Variants in NUMB observed in about 807,000 individuals in gnomAD.
NUMB encodes the protein protein numb homolog.
A neutral mutation model predicts 59.7 loss-of-function variants in NUMB; 29 were observed. That is an observed-to-expected ratio of 0.49 (90% CI 0.36 to 0.66). The LOEUF is 0.66. Among genes scored for constraint, NUMB ranks in the 30% least tolerant of loss-of-function variants. NUMB has a pLI of 0.00. For synonymous variants in NUMB, 288 were observed against 288.2 expected, an observed-to-expected ratio of 1.00 and a Z score of 0.01; for missense variants, 723 against 822.0, an observed-to-expected ratio of 0.88 and a Z score of 1.47.
intron 2 of NUMB, among the ~76,000 whole-genome samples, chr14:73,378,676 CA>C (rs1895087900): frequency 6.6e-6 from 1 of 152,110 alleles, no homozygotes; most frequent in South Asian, 2.1e-4. Flanking sequence ...TGTATGACCC[CA>C]ACTACATGAC....
At chr14:73,451,328 T>C (rs1883953968) in intron 1 of NUMB, among the ~76,000 whole-genome samples, 2 of 151,524 alleles carry the variant, frequency 1.3e-5, no homozygotes, top group South Asian at 4.2e-4. Flanking sequence ...TCCCAGCTAT[T>C]CGGGAGGCTA....
intron 9 of NUMB, chr14:73,286,879 A>G (rs908485109): frequency 1.1e-5 from 6 of 536,156 alleles, no homozygotes; most frequent in African/African-American, 9.5e-5. Flanking sequence ...AGCTTCTTCA[A>G]CTGCACTCTG....
At chr14:73,295,615 T>C (rs922920508) in intron 7 of NUMB, among the ~76,000 whole-genome samples, 3 of 152,206 alleles carry the variant, frequency 2.0e-5, no homozygotes, top group African/African-American at 4.8e-5. Context: ...AATGCAGCTA[T>C]ATTAAACCAC....
rs929815984 is a variant in NUMB at position 73,277,072 on chromosome 14, G to C, written c.1462C>G (p.Leu488Val). 1.2e-6 allele frequency: 2 copies of C among 1,614,152 alleles called. No individual in the cohort carries two copies. The highest frequency in any genetic ancestry group is 2.7e-5 in the African/African-American group (2 of 75,052). The change falls in exon 13 of 13, where the codon CTC becomes GTC. Residue 488 changes from leucine (L) to valine (V), a missense_variant. Leu to Val is a conservative substitution (Grantham distance 32). Coordinates refer to ENST00000555238, the MANE Select transcript of NUMB (RefSeq NM_001005743.2). ...CCCACTGGCACAGGCTGAGAGGTGA[G>C]GAATGCATTCCCTTGGAAAGGTGAT... ...PASPFQGNAF[L>V]TSQPVPVGVV... is the part of the protein sequence containing the mutation.
At chr14:73,293,788 T>C (rs1385660740) in intron 7 of NUMB, among the ~76,000 whole-genome samples, 1 of 152,270 alleles carries the variant, frequency 6.6e-6, no homozygotes, top group East Asian at 1.9e-4. Context: ...ATAGTTATAA[T>C]GCCTTCTATA....
chr14:73,319,262 C>CA (rs1246292458), intron 5 of NUMB, among the ~76,000 whole-genome samples: 6 of 151,474 alleles, frequency 4.0e-5, no homozygotes, highest in Admixed American at 6.6e-5. Context: ...AACTCCACTC[C>CA]AAAAAAAATG....
At chr14:73,355,121 A>C (rs1893713842) in intron 4 of NUMB, among the ~76,000 whole-genome samples, 1 of 152,194 alleles carries the variant, frequency 6.6e-6, no homozygotes, top group South Asian at 2.1e-4. Flanking sequence ...CTATGTTCTT[A>C]ACCTCTGTGA....
In NUMB at chr14:73,284,170, ATCT is replaced by A. The variant is rs2139809061; in HGVS notation, c.857_859del (p.Lys286del). 6.2e-7 allele frequency: 1 copy of A among 1,614,220 alleles called. No individual in the cohort carries two copies. ...GGATAGTTGGCGTTTAAAGGGTGAC[ATCT>A]TCTGGCTAAGAGCAGGAAAACCTCG... On this transcript the variant is annotated inframe_deletion, in exon 10 of 13. Coordinates refer to ENST00000555238, the MANE Select transcript of NUMB (RefSeq NM_001005743.2).
intron 2 of NUMB, among the ~76,000 whole-genome samples, chr14:73,380,726 T>TG (rs1222381693): frequency 5.4e-5 from 8 of 147,814 alleles, no homozygotes; most frequent in Admixed American, 4.0e-4. Context: ...ATCAATTAGT[T>TG]TTTTTTTTTT....
Position 73,304,297 on chromosome 14 carries a change from G to C in NUMB, c.235-7012C>G, listed in dbSNP as rs535262506. Among the ~76,000 whole-genome samples the C allele has an allele frequency of 3.0e-4, 45 of 150,186 alleles. 1 individual carries two copies. The South Asian group carries it at 9.0e-3, about 30-fold the overall frequency. ...TTTGTTTCTTTAAGTAGAAACCACTGTTTCTTTCTTTCTTTCTTTCTTTTT... is the reference window on the plus strand; with the variant it reads ...TTTGTTTCTTTAAGTAGAAACCACTCTTTCTTTCTTTCTTTCTTTCTTTTT... On this transcript the variant is annotated intron_variant, in intron 6 of 12. Transcript: ENST00000555238.
At chr14:73,391,741 A>T (rs967646456) in intron 2 of NUMB, among the ~76,000 whole-genome samples, 4 of 152,236 alleles carry the variant, frequency 2.6e-5, no homozygotes, top group African/African-American at 9.6e-5. Context: ...CTATTTATAT[A>T]GGTAATTCAG....
chr14:73,360,544 T>C (rs900211580), intron 3 of NUMB, among the ~76,000 whole-genome samples: 1 of 152,044 alleles, frequency 6.6e-6, no homozygotes, highest in African/African-American at 2.4e-5. Context: ...GGTGACAAAG[T>C]GAGACTCCAT....
intron 7 of NUMB, among the ~76,000 whole-genome samples, chr14:73,296,384 T>C (rs1889770580): frequency 6.7e-6 from 1 of 149,228 alleles, no homozygotes. Context: ...GAGGTTGCAG[T>C]GAGCTGGGAT....
intron 1 of NUMB, chr14:73,457,822 C>G (rs1030094716): frequency 2.6e-5 from 4 of 152,618 alleles, no homozygotes; most frequent in African/African-American, 9.6e-5. Context: ...TGCTCCTCAT[C>G]TCTCCAGGAG....
In NUMB at chr14:73,277,062, TGA is replaced by T. The variant is rs1272902479; in HGVS notation, c.1470_1471del (p.Gln491AlafsTer32). 1.2e-6 allele frequency: 2 copies of T among 1,613,976 alleles called. No homozygotes were observed. The highest frequency in any genetic ancestry group is 1.1e-5 in the South Asian group (1 of 91,086). On this transcript the variant is annotated frameshift_variant, in exon 13 of 13. Transcript: ENST00000555238. LOFTEE classifies it high-confidence loss of function. The stretch of plus-strand genomic sequence containing the variant: ...TGGGACCACACCCACTGGCACAGGC[TGA>T]GAGGTGAGGAATGCATTCCCTTGGA...
intron 2 of NUMB, among the ~76,000 whole-genome samples, chr14:73,402,522 T>C (rs1378649675): frequency 6.6e-6 from 1 of 152,178 alleles, no homozygotes; most frequent in East Asian, 1.9e-4. Context: ...AGGAATCAAA[T>C]ATAATCTTCT....
intron 4 of NUMB, among the ~76,000 whole-genome samples, chr14:73,335,378 C>T (rs1348339876): frequency 1.4e-5 from 2 of 145,020 alleles, no homozygotes; most frequent in South Asian, 2.2e-4. Context: ...ATTATAGAAA[C>T]GTGGAAATAG....
chr14:73,429,008 C>T (rs936749787), intron 1 of NUMB, among the ~76,000 whole-genome samples: 22 of 152,104 alleles, frequency 1.4e-4, no homozygotes, highest in African/African-American at 4.1e-4. Context: ...ACACAGAACA[C>T]CCAAAAAAAT....
intron 5 of NUMB, among the ~76,000 whole-genome samples, chr14:73,319,206 C>T (rs917507651): frequency 6.6e-6 from 1 of 152,014 alleles, no homozygotes; most frequent in Admixed American, 6.6e-5. Context: ...GAGGTTGCAG[C>T]GACCCAAGAT....
Sources: gnomAD v4.1 joint callset for allele counts (sites outside exome capture counted in the v4.1 genomes callset) on GRCh38, gnomAD v4.1.1 for gene constraint, MANE v1.5 for transcripts, NCBI Gene and HGNC (gene_info 2026-07-23, HGNC 2026-07-21) for gene names.